Variants in CCSER1 observed in about 807,000 individuals in gnomAD.
The protein encoded by CCSER1 is coiled-coil serine rich protein 1.
A neutral mutation model predicts 82.0 loss-of-function variants in CCSER1; 41 were observed. That is an observed-to-expected ratio of 0.50 (90% CI 0.39 to 0.65). The LOEUF (loss-of-function observed/expected upper bound fraction) is 0.65. CCSER1 is among the 30% of genes least tolerant of loss of function. The probability of loss-of-function intolerance (pLI) is 0.00; values close to 1 mark genes in which losing one functional copy is unlikely to be tolerated. For synonymous variants in CCSER1, 414 were observed against 383.9 expected, an observed-to-expected ratio of 1.08 and a Z score of -0.92; for missense variants, 1,119 against 1,064.2, an observed-to-expected ratio of 1.05 and a Z score of -0.72.
At chr4:90,799,946 C>T (rs62314105) in intron 7 of CCSER1, among the ~76,000 whole-genome samples, 10,053 of 152,198 alleles carry the variant, frequency 0.066, 447 homozygotes, top group Admixed American at 0.12. Context: ...CCCTGGGAGC[C>T]ACTGGGGGCC....
chr4:91,599,260 C>T lies in CCSER1; in HGVS notation c.*203C>T, dbSNP rs368053715. 1.7e-6 allele frequency: 1 copy of T among 576,212 alleles called. No individual in the cohort carries two copies. Among genetic ancestry groups the T allele is most frequent in the African/African-American group, 1.9e-5 (1 of 53,166 alleles). 35.7% of individuals were successfully genotyped at this position (576,212 alleles called of 1,614,324 possible). A position where few individuals can be genotyped will look rare whatever the true frequency, so the allele number is the denominator to read the frequency against. On this transcript the variant is annotated 3_prime_UTR_variant, in exon 11 of 11. Coordinates refer to ENST00000509176, the MANE Select transcript of CCSER1 (RefSeq NM_001145065.2). ...TGAAAGTTTGAGCATGTTAATTGAA[C>T]TAGGTTGCATTGCCTTGAAGACTTT...
intron 10 of CCSER1, among the ~76,000 whole-genome samples, chr4:91,541,666 T>C (rs1761606894): frequency 6.6e-6 from 1 of 152,188 alleles, no homozygotes; most frequent in Non-Finnish European, 1.5e-5. Context: ...TTTGCTATTG[T>C]GAATAGTGCC....
chr4:90,531,913 T>A (rs546934700), intron 5 of CCSER1, among the ~76,000 whole-genome samples: 1 of 152,272 alleles, frequency 6.6e-6, no homozygotes, highest in African/African-American at 2.4e-5. Context: ...TTGTATCAAA[T>A]GATTTGCATT....
At chr4:90,739,365 T>C (rs1296952067) in intron 7 of CCSER1, among the ~76,000 whole-genome samples, 1 of 152,056 alleles carries the variant, frequency 6.6e-6, no homozygotes, top group Admixed American at 6.6e-5. Context: ...CTCTTTACTT[T>C]CCCCCTCCTC....
chr4:91,201,635 T>G (rs1185481840), intron 10 of CCSER1, among the ~76,000 whole-genome samples: 4 of 152,072 alleles, frequency 2.6e-5, no homozygotes. Flanking sequence ...GTTGGACTAT[T>G]GTTGTAAACC....
At chr4:90,919,238 A>G (rs1728022781) in intron 8 of CCSER1, among the ~76,000 whole-genome samples, 1 of 151,916 alleles carries the variant, frequency 6.6e-6, no homozygotes, top group Admixed American at 6.6e-5. Context: ...TTCCTTGAAT[A>G]TGTGATGTGG....
Position 91,370,179 on chromosome 4 carries a change from C to T in CCSER1, c.2218-228393C>T, listed in dbSNP as rs1258049782. On this transcript the variant is annotated intron_variant, in intron 10 of 10. Transcript: ENST00000509176. ...TAGTTCTGCTGCAGAGTTAAGTCTACACTTATAAAGAAAGACTGGGAAAAA... is the reference window on the plus strand; with the variant it reads ...TAGTTCTGCTGCAGAGTTAAGTCTATACTTATAAAGAAAGACTGGGAAAAA... 9.2e-5 allele frequency among the ~76,000 whole-genome samples: 14 copies of T among 152,132 alleles called. No individual in the cohort carries two copies. In the East Asian group the frequency reaches 2.1e-3, roughly 23 times the overall value.
intron 6 of CCSER1, among the ~76,000 whole-genome samples, chr4:90,700,733 TGACCAG>T (rs1190363274): frequency 6.6e-6 from 1 of 152,260 alleles, no homozygotes; most frequent in Non-Finnish European, 1.5e-5. Flanking sequence ...ATTTCTCTGA[TGACCAG>T]TGATGATGAG....
intron 5 of CCSER1, among the ~76,000 whole-genome samples, chr4:90,499,114 A>ATGTG (rs3042129): frequency 0.027 from 3,997 of 150,112 alleles, 182 homozygotes; most frequent in African/African-American, 0.092. Context: ...GTATGTGTAT[A>ATGTG]TGTGTGTGTG....
intron 4 of CCSER1, among the ~76,000 whole-genome samples, chr4:90,421,270 C>A (rs1302291176): frequency 6.6e-6 from 1 of 152,116 alleles, no homozygotes; most frequent in Admixed American, 6.6e-5. Context: ...TTTTCTGATA[C>A]TCTATCTTAT....
At chr4:90,693,327 T>C (rs960377509) in intron 6 of CCSER1, 3 of 151,938 alleles carry the variant, frequency 2.0e-5, no homozygotes, top group African/African-American at 7.2e-5. Context: ...GTGAAAATTG[T>C]TTATAGTAAT....
At chr4:91,038,467 A>C (rs1283268458) in intron 9 of CCSER1, among the ~76,000 whole-genome samples, 5 of 152,214 alleles carry the variant, frequency 3.3e-5, no homozygotes, top group Non-Finnish European at 7.3e-5. Flanking sequence ...TCATGTGAAA[A>C]CAGTAAAATT....
chr4:90,937,929 A>G (rs1731153274), intron 9 of CCSER1, among the ~76,000 whole-genome samples: 3 of 152,084 alleles, frequency 2.0e-5, no homozygotes. Context: ...TATCTGTCCT[A>G]TTGATTATAA....
At chr4:90,518,065 T>C (rs1399503891) in intron 5 of CCSER1, among the ~76,000 whole-genome samples, 2 of 152,296 alleles carry the variant, frequency 1.3e-5, no homozygotes, top group African/African-American at 4.8e-5. Context: ...AAATTACTTC[T>C]GTGATGTATA....
At chr4:91,312,969 C>T (rs1745589587) in intron 10 of CCSER1, among the ~76,000 whole-genome samples, 1 of 151,752 alleles carries the variant, frequency 6.6e-6, no homozygotes, top group African/African-American at 2.4e-5. Flanking sequence ...TATTTGATAC[C>T]CCTTTCCAAG....
At chr4:90,542,470 TCCA>T (rs1776234186) in intron 5 of CCSER1, among the ~76,000 whole-genome samples, 1 of 152,126 alleles carries the variant, frequency 6.6e-6, no homozygotes, top group Non-Finnish European at 1.5e-5. Flanking sequence ...AGGAAAGCGA[TCCA>T]ACTAAGCTTC....
intron 3 of CCSER1, chr4:90,370,326 C>T (rs550705691): frequency 4.6e-5 from 7 of 152,120 alleles, no homozygotes; most frequent in African/African-American, 1.7e-4. Context: ...AAGAAGGTAG[C>T]TTTCTAGAAC....
chr4:91,361,586 T>C (rs12498254), intron 10 of CCSER1, among the ~76,000 whole-genome samples: 43,119 of 151,498 alleles, frequency 0.28, 6,915 homozygotes, highest in Middle Eastern at 0.44. Flanking sequence ...AAGTAGTCAA[T>C]ATGTTTCCAT....
At chr4:90,432,040 G>C (rs1460650084) in intron 4 of CCSER1, among the ~76,000 whole-genome samples, 1 of 152,028 alleles carries the variant, frequency 6.6e-6, no homozygotes, top group Non-Finnish European at 1.5e-5. Context: ...CTCCCCATGG[G>C]TCTAGAAATC....
Sources: allele counts gnomAD v4.1 joint callset (sites outside exome capture counted in the v4.1 genomes callset), GRCh38; gene constraint gnomAD v4.1.1; transcripts MANE v1.5; gene names NCBI Gene and HGNC (gene_info 2026-07-23, HGNC 2026-07-21).